The following ASXL2 variants were observed in gnomAD, a reference collection of about 807,000 sequenced individuals.
ASXL2 encodes the protein putative Polycomb group protein ASXL2.
In ASXL2, 23 loss-of-function variants were observed where a neutral mutation model predicts 122.0. The ratio of observed to expected loss-of-function variants is 0.19; its 90% CI spans 0.14 to 0.27. The LOEUF (loss-of-function observed/expected upper bound fraction) is 0.27, where lower values mean the gene tolerates loss of function less well. Among genes scored for constraint, ASXL2 ranks in the 10% least tolerant of loss-of-function variants. ASXL2 has a pLI of 1.00. For missense variants in ASXL2, 1,518 were observed against 1,713.8 expected (o/e 0.89, Z 2.02); for synonymous variants, 650 against 637.0 (o/e 1.02, Z -0.31).
intron 5 of ASXL2, among the ~76,000 whole-genome samples, chr2:25,784,053 C>CTAAA (rs59180424): frequency 0.18 from 24,506 of 138,286 alleles, 2,381 homozygotes; most frequent in East Asian, 0.36. Context: ...AACTCCATCT[C>CTAAA]TAAATAAATA....
chr2:25,867,982 T>C (rs1288046373), intron 1 of ASXL2, among the ~76,000 whole-genome samples: 2 of 152,210 alleles, frequency 1.3e-5, no homozygotes, highest in Non-Finnish European at 2.9e-5. Flanking sequence ...ACAACACAGA[T>C]TCATTTTATT....
chr2:25,837,688 A>G (rs997924183), intron 2 of ASXL2, among the ~76,000 whole-genome samples: 1 of 152,038 alleles, frequency 6.6e-6, no homozygotes, highest in Admixed American at 6.6e-5. Context: ...TGTCTCTACA[A>G]AAAATTTAAA....
At chr2:25,857,191 T>C (rs974635076) in intron 1 of ASXL2, among the ~76,000 whole-genome samples, 3 of 151,650 alleles carry the variant, frequency 2.0e-5, no homozygotes, top group Non-Finnish European at 2.9e-5. Flanking sequence ...TGGTGAGCCA[T>C]GGAGTTCTTC....
chr2:25,821,546 T>C (rs2089310903), intron 3 of ASXL2, among the ~76,000 whole-genome samples: 1 of 151,180 alleles, frequency 6.6e-6, no homozygotes, highest in African/African-American at 2.5e-5. Flanking sequence ...AGCAGATCAC[T>C]CGAGGTCAGG....
chr2:25,878,153 C>T lies in ASXL2; in HGVS notation c.57+13G>A. 1 of 1,613,900 alleles carries T rather than the reference C, an allele frequency of 6.2e-7. No homozygotes were observed. Among genetic ancestry groups the T allele is most frequent in the South Asian group, 1.1e-5 (1 of 91,084 alleles). Reference sequence around the variant, plus strand: ...AATCCTCCCGGCCTTCCCCTTCGCTCCCTCCCCCTTACCGTCTTGGCGGCC... The same window carrying T: ...AATCCTCCCGGCCTTCCCCTTCGCTTCCTCCCCCTTACCGTCTTGGCGGCC... On this transcript the variant is annotated intron_variant, in intron 1 of 12. Coordinates refer to ENST00000435504, the MANE Select transcript of ASXL2 (RefSeq NM_018263.6).
chr2:25,794,372 T>A (rs753769922), intron 5 of ASXL2, among the ~76,000 whole-genome samples: 1 of 152,222 alleles, frequency 6.6e-6, no homozygotes, highest in Non-Finnish European at 1.5e-5. Flanking sequence ...ATATTTTATT[T>A]TGGGGAAAAG....
rs557421081 is a variant in ASXL2, at chr2:25,738,822, A to G, written c.*3207T>C. The G allele has an allele frequency of 4.6e-5, 7 of 152,244 alleles. No individual in the cohort carries two copies. The highest frequency in any genetic ancestry group is 1.9e-4 in the East Asian group (1 of 5,186). 9.4% of individuals were successfully genotyped at this position (152,244 alleles called of 1,614,324 possible). ...TACATCCGTATGCCTTCACAGCCCA[A>G]TAAGTATGCTCTCTCCACCCCAAGT... is the stretch of plus-strand genomic sequence containing the variant. On this transcript the variant is annotated 3_prime_UTR_variant, in exon 13 of 13. Coordinates refer to ENST00000435504, the MANE Select transcript of ASXL2 (RefSeq NM_018263.6).
At chr2:25,845,692 A>C in intron 1 of ASXL2, 129 bp from the exon 2 acceptor site, 1 of 332,822 alleles carries the variant, frequency 3.0e-6, no homozygotes, top group Non-Finnish European at 5.2e-6. Flanking sequence ...ATACATATGC[A>C]ATTGTTTACT....
intron 8 of ASXL2, among the ~76,000 whole-genome samples, chr2:25,767,288 G>T (rs2088369174): frequency 6.6e-6 from 1 of 152,124 alleles, no homozygotes. Context: ...ACTGATAATA[G>T]ATCTTTCTCT....
intron 1 of ASXL2, among the ~76,000 whole-genome samples, chr2:25,869,571 C>T (rs1178568027): frequency 1.3e-5 from 2 of 152,054 alleles, no homozygotes; most frequent in Non-Finnish European, 2.9e-5. Flanking sequence ...CCTGTAATCC[C>T]AGAACTTTGG....
intron 5 of ASXL2, among the ~76,000 whole-genome samples, chr2:25,786,447 G>A (rs971136093): frequency 2.0e-5 from 3 of 151,422 alleles, no homozygotes; most frequent in Admixed American, 2.0e-4. Context: ...CACCGTGTTA[G>A]CCAGGATGGT....
chr2:25,867,488 A>AT (rs1468023954), intron 1 of ASXL2, among the ~76,000 whole-genome samples: 2 of 152,182 alleles, frequency 1.3e-5, no homozygotes, highest in Admixed American at 1.3e-4. Flanking sequence ...TGCAAGTGGG[A>AT]TAAGTATAGG....
At chr2:25,828,791 C>A (rs1269084022) in intron 3 of ASXL2, among the ~76,000 whole-genome samples, 1 of 142,404 alleles carries the variant, frequency 7.0e-6, no homozygotes, top group Non-Finnish European at 1.5e-5. Flanking sequence ...CACCATTGCA[C>A]TCCAGCCCAG....
rs139398322 is a variant in ASXL2, at chr2:25,795,668, T to C, written c.403+3717A>G. On this transcript the variant is annotated intron_variant, in intron 5 of 12. Coordinates refer to ENST00000435504, the MANE Select transcript of ASXL2 (RefSeq NM_018263.6). ...TCCAGAAAACATGAATCTTGCTAAT[T>C]GCTTCCCTTACTTGATGACCTGGCT... Among the ~76,000 whole-genome samples, 135 of 152,310 alleles carry C rather than the reference T, an allele frequency of 8.9e-4. 4 individuals are homozygous for C. The East Asian group carries it at 0.022, about 25-fold the overall frequency.
intron 5 of ASXL2, among the ~76,000 whole-genome samples, chr2:25,775,684 C>T (rs2088536941): frequency 6.6e-6 from 1 of 152,114 alleles, no homozygotes; most frequent in Admixed American, 6.6e-5. Context: ...TGAGGCCTCC[C>T]CAGCCATGTG....
At chr2:25,776,937 AC>A (rs1251071533) in intron 5 of ASXL2, among the ~76,000 whole-genome samples, 3 of 152,126 alleles carry the variant, frequency 2.0e-5, no homozygotes, top group Non-Finnish European at 4.4e-5. Context: ...TAAGCCAAAC[AC>A]CCTTTTTAAC....
At chr2:25,781,898 G>A (rs1021049901) in intron 5 of ASXL2, among the ~76,000 whole-genome samples, 9 of 149,080 alleles carry the variant, frequency 6.0e-5, no homozygotes, top group Admixed American at 1.3e-4. Context: ...TCCTGACCTC[G>A]TGATCTGCCC....
chr2:25,801,738 A>G (rs1403386578), intron 4 of ASXL2, among the ~76,000 whole-genome samples: 1 of 152,070 alleles, frequency 6.6e-6, no homozygotes, highest in African/African-American at 2.4e-5. Flanking sequence ...TTATTCCTCT[A>G]ATGTCCTTTG....
At position 25,807,680 on chromosome 2, in the gene ASXL2, T is replaced by C. The variant is rs1170578106; in HGVS notation, c.144-1343A>G. The stretch of plus-strand genomic sequence containing the variant: ...CTCTTAGCCACTATTATTGAAGTAG[T>C]ATGTTTCCGAGAGAAAAAAAATCAC... On this transcript the variant is annotated intron_variant, in intron 3 of 12. Transcript: ENST00000435504. Among the ~76,000 whole-genome samples the C allele has an allele frequency of 2.6e-5, 4 of 152,216 alleles. No homozygotes were observed. The East Asian group carries it at 7.7e-4, about 29-fold the overall frequency.
Sources: allele counts gnomAD v4.1 joint callset (sites outside exome capture counted in the v4.1 genomes callset), GRCh38; gene constraint gnomAD v4.1.1; transcripts MANE v1.5; gene names NCBI Gene and HGNC (gene_info 2026-07-23, HGNC 2026-07-21).